The following CCDC63 variants were observed in gnomAD, a reference collection of about 807,000 sequenced individuals.
The protein encoded by CCDC63 is coiled-coil domain containing 63.
A neutral mutation model predicts 63.6 loss-of-function variants in CCDC63; 54 were observed. The observed-to-expected ratio is 0.85, with a 90% CI of 0.68 to 1.07. The LOEUF (loss-of-function observed/expected upper bound fraction) is 1.07. CCDC63 is among the 50% of genes least tolerant of loss of function. CCDC63 has a pLI of 0.00. For synonymous variants in CCDC63, 253 were observed against 266.1 expected, an observed-to-expected ratio of 0.95 and a Z score of 0.48; for missense variants, 637 against 689.6, an observed-to-expected ratio of 0.92 and a Z score of 0.86.
At chr12:110,895,420 C>T (rs7312231) in intron 9 of CCDC63, among the ~76,000 whole-genome samples, 57,891 of 152,082 alleles carry the variant, frequency 0.38, 11,733 homozygotes, top group African/African-American at 0.51. Flanking sequence ...TGGCCAGAAT[C>T]AGTCTTGATA....
At chr12:110,884,852 A>ATTTTTTTTTTT (rs34391026) in intron 8 of CCDC63, among the ~76,000 whole-genome samples, 2 of 130,706 alleles carry the variant, frequency 1.5e-5, no homozygotes, top group Non-Finnish European at 3.2e-5. Context: ...ACGCCCTGCT[A>ATTTTTTTTTTT]TTTTTTTTTT....
In CCDC63 at chr12:110,868,230, C is replaced by T. The variant is rs1450861366; in HGVS notation, c.370-5612C>T. Among the ~76,000 whole-genome samples, 8 of 131,498 alleles carry T rather than the reference C, an allele frequency of 6.1e-5. No individual in the cohort carries two copies. In the South Asian group the frequency reaches 7.3e-4, roughly 12 times the overall value. 86.3% of individuals were successfully genotyped at this position (131,498 alleles called of 152,430 possible). Reference sequence around the variant, plus strand: ...AGATGGGATGGCGGCCGGGCGGAGACGCTCCTCACTTTCCAGACTGGGCAG... The same window carrying T: ...AGATGGGATGGCGGCCGGGCGGAGATGCTCCTCACTTTCCAGACTGGGCAG... On this transcript the variant is annotated intron_variant, in intron 4 of 11. Transcript: ENST00000308208.
At chr12:110,857,352 C>T (rs1184554380) in intron 3 of CCDC63, among the ~76,000 whole-genome samples, 1 of 150,026 alleles carries the variant, frequency 6.7e-6, no homozygotes, top group Non-Finnish European at 1.5e-5. Flanking sequence ...GTCTCGAACT[C>T]CTGACCTCAT....
At chr12:110,845,703 G>A (rs1323354719), upstream of CCDC63, 1 of 151,872 alleles carries the variant, frequency 6.6e-6, no homozygotes, top group East Asian at 1.9e-4. Context: ...AGCAACATTA[G>A]GGGCAACATA....
At chr12:110,870,239 G>C (rs1387281792) in intron 4 of CCDC63, among the ~76,000 whole-genome samples, 1 of 152,074 alleles carries the variant, frequency 6.6e-6, no homozygotes, top group Non-Finnish European at 1.5e-5. Context: ...CCACCACCAT[G>C]CCTGGCTAAT....
At chr12:110,849,314 G>T (rs961294042) in intron 1 of CCDC63, among the ~76,000 whole-genome samples, 2 of 152,118 alleles carry the variant, frequency 1.3e-5, no homozygotes, top group Admixed American at 1.3e-4. Context: ...CAGGGATGGG[G>T]CAGTAGCCAA....
At chr12:110,845,381 G>A (rs1477503672), upstream of CCDC63, among the ~76,000 whole-genome samples, 1 of 152,130 alleles carries the variant, frequency 6.6e-6, no homozygotes, top group Admixed American at 6.6e-5. Context: ...GTGGAAAAGC[G>A]TGGGGCTCCA....
intron 1 of CCDC63, among the ~76,000 whole-genome samples, chr12:110,851,017 A>AT (rs1555251509): frequency 2.0e-5 from 3 of 152,064 alleles, no homozygotes; most frequent in Non-Finnish European, 4.4e-5. Context: ...CTTTTTTACT[A>AT]TTTTGTCATA....
chr12:110,893,477 C>G (rs1415520583), intron 9 of CCDC63, among the ~76,000 whole-genome samples: 1 of 152,340 alleles, frequency 6.6e-6, no homozygotes, highest in African/African-American at 2.4e-5. Flanking sequence ...GGATCTCTGC[C>G]TCTTTCCCTC....
chr12:110,867,713 C>G (rs1450058546), intron 4 of CCDC63, among the ~76,000 whole-genome samples: 11 of 120,960 alleles, frequency 9.1e-5, no homozygotes, highest in Admixed American at 8.7e-4. Context: ...CTGACCCCCC[C>G]ACCTCCCTCC....
At chr12:110,877,204 T>C (rs1381050134) in intron 5 of CCDC63, among the ~76,000 whole-genome samples, 2 of 150,244 alleles carry the variant, frequency 1.3e-5, no homozygotes, top group Non-Finnish European at 2.9e-5. Flanking sequence ...GAATCCCAAA[T>C]ACAGTACAAT....
chr12:110,857,327 A>G (rs1222270957), intron 3 of CCDC63, among the ~76,000 whole-genome samples: 1 of 148,696 alleles, frequency 6.7e-6, no homozygotes, highest in Non-Finnish European at 1.5e-5. Flanking sequence ...GGGTTTCACC[A>G]TCTTAGCCAG....
chr12:110,871,308 T>A (rs1208054368), intron 4 of CCDC63, among the ~76,000 whole-genome samples: 1 of 151,910 alleles, frequency 6.6e-6, no homozygotes, highest in East Asian at 1.9e-4. Flanking sequence ...CGCCTGGCTA[T>A]TTTTTTGTAT....
intron 1 of CCDC63, among the ~76,000 whole-genome samples, chr12:110,852,618 C>T (rs772185220): frequency 7.9e-5 from 12 of 152,092 alleles, no homozygotes; most frequent in South Asian, 4.1e-4. Context: ...GTAACTGACA[C>T]GCCAGAACCA....
At chr12:110,868,780 A>AGGGAGC in intron 4 of CCDC63, among the ~76,000 whole-genome samples, 1 of 118,884 alleles carries the variant, frequency 8.4e-6, no homozygotes, top group African/African-American at 3.2e-5. Flanking sequence ...GGAGAGGGAG[A>AGGGAGC]GGGAGAGGGA....
chr12:110,894,698 C>G (rs2071396970), intron 9 of CCDC63, among the ~76,000 whole-genome samples: 1 of 152,214 alleles, frequency 6.6e-6, no homozygotes, highest in South Asian at 2.1e-4. Context: ...GGCCCACGTC[C>G]TTCACTCGGG....
chr12:110,855,789 C>T (rs879388523), intron 3 of CCDC63, among the ~76,000 whole-genome samples: 1 of 152,142 alleles, frequency 6.6e-6, no homozygotes, highest in Non-Finnish European at 1.5e-5. Context: ...CCATGTTGGT[C>T]AGGCTAGTCT....
chr12:110,904,549 C>A, intron 10 of CCDC63, 39 bp from the exon 11 acceptor site: 1 of 1,595,934 alleles, frequency 6.3e-7, no homozygotes, highest in South Asian at 1.1e-5. Context: ...AGGCCCAGGT[C>A]TCTCGGCAGC....
chr12:110,845,450 CTCTAAG>C (rs1272083056), upstream of CCDC63: 2 of 152,184 alleles, frequency 1.3e-5, no homozygotes, highest in Non-Finnish European at 2.9e-5. Flanking sequence ...AACTCGGTTT[CTCTAAG>C]TCTGTTTCCC....
Sources: gnomAD v4.1 joint callset for allele counts (sites outside exome capture counted in the v4.1 genomes callset) on GRCh38, gnomAD v4.1.1 for gene constraint, MANE v1.5 for transcripts, NCBI Gene and HGNC (gene_info 2026-07-23, HGNC 2026-07-21) for gene names.